Variants in SNX16 observed in about 807,000 individuals in gnomAD.
SNX16 encodes sorting nexin-16.
Under a neutral mutation model 36.7 loss-of-function variants are expected in SNX16, and 35 were observed. That is an observed-to-expected ratio of 0.95 (90% CI 0.73 to 1.27). The LOEUF (loss-of-function observed/expected upper bound fraction) is 1.27. Ranked by LOEUF, SNX16 falls within the 50% of genes most tolerant of loss-of-function variation. SNX16 has a pLI of 0.00. For synonymous variants in SNX16, 134 were observed against 132.0 expected, an observed-to-expected ratio of 1.02 and a Z score of -0.10; for missense variants, 367 against 393.6, an observed-to-expected ratio of 0.93 and a Z score of 0.57.
intron 5 of SNX16, among the ~76,000 whole-genome samples, chr8:81,811,266 C>G (rs1294037885): frequency 6.6e-6 from 1 of 152,108 alleles, no homozygotes; most frequent in Non-Finnish European, 1.5e-5. Context: ...ATAGGGAGTT[C>G]TGGGAAACGA....
intron 3 of SNX16, among the ~76,000 whole-genome samples, chr8:81,825,264 T>C (rs1318089648): frequency 2.0e-5 from 3 of 152,116 alleles, no homozygotes; most frequent in African/African-American, 7.2e-5. Flanking sequence ...GTGGCCACTT[T>C]TAGAAAAGAC....
chr8:81,808,462 G>A, intron 5 of SNX16: 1 of 1,037,904 alleles, frequency 9.6e-7, no homozygotes, highest in Non-Finnish European at 1.5e-6. Flanking sequence ...TTTGCTGACA[G>A]CTGTGGTGGT....
Position 81,801,465 on chromosome 8 carries a change from T to C in SNX16, c.*32A>G. The C allele has an allele frequency of 7.7e-7, 1 of 1,301,288 alleles. No homozygotes were observed. The highest frequency in any genetic ancestry group is 1.1e-6 in the Non-Finnish European group (1 of 936,046). The allele number at this position is 1,301,288 out of a possible 1,614,324, so 80.6% of individuals were successfully genotyped here. A position where few individuals can be genotyped will look rare whatever the true frequency, so the allele number is the denominator to read the frequency against. The stretch of plus-strand genomic sequence containing the variant: ...TTTGCCACTCTTCTAAATTTTTGAA[T>C]AGTCTAAATGGAGGGAACTGCTTGT... On this transcript the variant is annotated 3_prime_UTR_variant, in exon 8 of 8. Transcript: ENST00000345957.
chr8:81,802,542 A>C, intron 6 of SNX16, 43 bp from the exon 7 acceptor site: 1 of 1,559,490 alleles, frequency 6.4e-7, no homozygotes, highest in Non-Finnish European at 8.7e-7. Context: ...TATGAACAAA[A>C]CAGGCATATG....
intron 5 of SNX16, among the ~76,000 whole-genome samples, chr8:81,805,281 A>G (rs1316006115): frequency 1.3e-5 from 2 of 152,156 alleles, no homozygotes; most frequent in Non-Finnish European, 2.9e-5. Flanking sequence ...TTTATGGAGC[A>G]AACAAGATAA....
intron 1 of SNX16, among the ~76,000 whole-genome samples, chr8:81,841,067 G>A (rs1448736433): frequency 6.6e-6 from 1 of 152,186 alleles, no homozygotes; most frequent in Non-Finnish European, 1.5e-5. Context: ...TGGGCTGGGC[G>A]CTGTGGCTCA....
chr8:81,814,979 C>T (rs1810415200), intron 5 of SNX16: 1 of 156,302 alleles, frequency 6.4e-6, no homozygotes, highest in East Asian at 1.8e-4. Flanking sequence ...CTGTACATTC[C>T]TTATTTTGAC....
In SNX16 at chr8:81,803,195, G is replaced by A. The variant is rs762225314; in HGVS notation, c.715C>T (p.Arg239Cys). 14 of 1,609,484 alleles carry A rather than the reference G, an allele frequency of 8.7e-6. No homozygotes were observed. Among genetic ancestry groups the A allele is most frequent in the Middle Eastern group, 1.6e-4 (1 of 6,062 alleles). The change falls in exon 6 of 8, where the codon CGC (arginine) becomes TGC (cysteine). Residue 239 changes from arginine (R) to cysteine (C), a missense_variant. Arg to Cys is a radical substitution (Grantham distance 180). Coordinates refer to ENST00000345957, the MANE Select transcript of SNX16 (RefSeq NM_152836.3). ...TTTTCAAGTAGTTCTTTCTGTAAGC[G>A]GTAGTTTGTCTCTTCTAAAGTTTCA... The part of the protein sequence containing the change: ...FCETLEETNY[R>C]LQKELLEKQK...
At chr8:81,816,437 G>A (rs562364424) in intron 4 of SNX16, among the ~76,000 whole-genome samples, 3 of 151,806 alleles carry the variant, frequency 2.0e-5, no homozygotes, top group Admixed American at 1.3e-4. Flanking sequence ...TGATCCGCCC[G>A]CCTCAGCCTT....
chr8:81,801,157 T>G lies in SNX16; in HGVS notation c.*340A>C, dbSNP rs1180086397. 6.1e-6 allele frequency: 1 copy of G among 164,746 alleles called. No individual in the cohort carries two copies. Among genetic ancestry groups the G allele is most frequent in the East Asian group, 1.6e-4 (1 of 6,062 alleles). 10.2% of individuals were successfully genotyped at this position (164,746 alleles called of 1,614,324 possible). A position where few individuals can be genotyped will look rare whatever the true frequency, so the allele number is the denominator to read the frequency against. ...CCATTTGATTAATATAATTGGTGAT[T>G]TAACACACATACATATATACACAGT... is the stretch of plus-strand genomic sequence containing the variant. On this transcript the variant is annotated 3_prime_UTR_variant, in exon 8 of 8. Transcript: ENST00000345957.
At chr8:81,802,723 C>T (rs1809759898) in intron 6 of SNX16, among the ~76,000 whole-genome samples, 1 of 151,710 alleles carries the variant, frequency 6.6e-6, no homozygotes, top group Non-Finnish European at 1.5e-5. Context: ...GATGGCAAAC[C>T]AGAGCTTTCA....
At chr8:81,833,196 A>G (rs1212230825) in intron 2 of SNX16, among the ~76,000 whole-genome samples, 1 of 151,224 alleles carries the variant, frequency 6.6e-6, no homozygotes, top group Admixed American at 6.6e-5. Context: ...TGTGGCTCCT[A>G]AGAAATTTAA....
chr8:81,809,993 C>G (rs948241868), intron 5 of SNX16, among the ~76,000 whole-genome samples: 1 of 152,112 alleles, frequency 6.6e-6, no homozygotes, highest in Non-Finnish European at 1.5e-5. Flanking sequence ...ACAGTTCCAT[C>G]AGGACAGGAA....
chr8:81,841,341 CAAA>C (rs34609959), intron 1 of SNX16, among the ~76,000 whole-genome samples: 6 of 89,652 alleles, frequency 6.7e-5, no homozygotes, highest in Admixed American at 2.3e-4. Context: ...AACTCCGTCT[CAAA>C]AAAAAAAAAA....
chr8:81,837,348 AC>A (rs1254614218), intron 2 of SNX16, among the ~76,000 whole-genome samples: 1 of 152,204 alleles, frequency 6.6e-6, no homozygotes, highest in African/African-American at 2.4e-5. Context: ...GAAATGCTTT[AC>A]ATAACACCAC....
intron 4 of SNX16, among the ~76,000 whole-genome samples, chr8:81,821,463 C>T (rs191420695): frequency 5.3e-5 from 8 of 151,802 alleles, no homozygotes; most frequent in Non-Finnish European, 8.8e-5. Flanking sequence ...GAGGATATGT[C>T]GACTTCTTGG....
At chr8:81,828,349 AAG>A (rs1179308383) in intron 3 of SNX16, among the ~76,000 whole-genome samples, 1 of 152,146 alleles carries the variant, frequency 6.6e-6, no homozygotes, top group Non-Finnish European at 1.5e-5. Flanking sequence ...ACAGGTGAAA[AAG>A]AGTGTCTTAG....
At chr8:81,832,657 G>A (rs1811320983) in intron 2 of SNX16, among the ~76,000 whole-genome samples, 1 of 151,854 alleles carries the variant, frequency 6.6e-6, no homozygotes, top group Non-Finnish European at 1.5e-5. Flanking sequence ...GTAGGCTACT[G>A]AGTAGAAAAA....
At chr8:81,821,822 T>C (rs1162618647) in intron 4 of SNX16, among the ~76,000 whole-genome samples, 4 of 152,086 alleles carry the variant, frequency 2.6e-5, no homozygotes, top group Non-Finnish European at 5.9e-5. Context: ...GGATGGTGAA[T>C]AAAATAGCCA....
Sources: gnomAD v4.1 joint callset for allele counts (sites outside exome capture counted in the v4.1 genomes callset) on GRCh38, gnomAD v4.1.1 for gene constraint, MANE v1.5 for transcripts, NCBI Gene and HGNC (gene_info 2026-07-23, HGNC 2026-07-21) for gene names.